The following GLIPR1L1 variants were observed in gnomAD, a reference collection of about 807,000 sequenced individuals.
The protein encoded by GLIPR1L1 is GLIPR1 like 1.
In GLIPR1L1, 26 loss-of-function variants were observed where a neutral mutation model predicts 29.9. The ratio of observed to expected loss-of-function variants is 0.87; its 90% CI spans 0.64 to 1.21. The LOEUF (loss-of-function observed/expected upper bound fraction) is 1.21, where lower values mean the gene tolerates loss of function less well. GLIPR1L1 is among the 50% of genes most tolerant of loss of function. GLIPR1L1 has a pLI of 0.00. For missense variants in GLIPR1L1, 305 were observed against 290.3 expected (o/e 1.05, Z -0.37); for synonymous variants, 77 against 97.5 (o/e 0.79, Z 1.24).
intron 3 of GLIPR1L1, among the ~76,000 whole-genome samples, chr12:75,356,924 G>C (rs1391505157): frequency 6.6e-6 from 1 of 152,078 alleles, no homozygotes. Flanking sequence ...CACAACAGCA[G>C]ACACGTAATC....
chr12:75,361,766 G>C (rs148408523), intron 3 of GLIPR1L1, among the ~76,000 whole-genome samples: 139 of 152,216 alleles, frequency 9.1e-4, no homozygotes, highest in African/African-American at 3.2e-3. Flanking sequence ...AGAACAGCAT[G>C]AGGGAAACCA....
rs2043072825 is a variant in GLIPR1L1, at chr12:75,355,193, A to C, written c.521+7471A>C. 2.0e-5 allele frequency among the ~76,000 whole-genome samples: 3 copies of C among 152,214 alleles called. No individual in the cohort carries two copies. The South Asian group carries it at 6.2e-4, about 32-fold the overall frequency. ...AAACTATCATCAGAGTAAACAAGCA[A>C]CCTACAGAGTGGGAGAAAATTTTAG... is the stretch of plus-strand genomic sequence containing the variant. On this transcript the variant is annotated intron_variant, in intron 3 of 5. Coordinates refer to ENST00000378695, the MANE Select transcript of GLIPR1L1 (RefSeq NM_001304964.2).
intron 3 of GLIPR1L1, among the ~76,000 whole-genome samples, chr12:75,362,625 G>A (rs975702947): frequency 3.5e-4 from 54 of 152,224 alleles, no homozygotes; most frequent in African/African-American, 1.2e-3. Context: ...AGAAGATAAA[G>A]AGGCTTTGAA....
intron 1 of GLIPR1L1, among the ~76,000 whole-genome samples, chr12:75,336,104 G>A (rs2041717835): frequency 6.6e-6 from 1 of 151,914 alleles, no homozygotes; most frequent in African/African-American, 2.4e-5. Flanking sequence ...GAATTATTCT[G>A]CTGAAAGTTC....
intron 1 of GLIPR1L1, among the ~76,000 whole-genome samples, chr12:75,338,559 A>G (rs1190493441): frequency 6.6e-6 from 1 of 151,964 alleles, no homozygotes; most frequent in African/African-American, 2.4e-5. Context: ...GTTTTGGGGA[A>G]ACAGGTGATG....
At position 75,343,911 on chromosome 12, in the gene GLIPR1L1, C is replaced by T. The variant is rs1364845187; in HGVS notation, c.393C>T (p.Cys131=). The change falls in exon 2 of 6, where the codon TGC becomes TGT. Residue 131 remains cysteine, a synonymous_variant. Transcript: ENST00000378695. ...TTTATGATTTTGATAGTCTATCATG[C>T]TCCAGAGTCTGTGGCCATTATACAC... ...TQFYDFDSLS[C]SRVCGHYTQL... 1.1e-5 allele frequency: 18 copies of T among 1,610,056 alleles called. No individual in the cohort carries two copies. The highest frequency in any genetic ancestry group is 1.5e-5 in the Non-Finnish European group (18 of 1,176,994).
chr12:75,341,580 G>T (rs111467925), intron 1 of GLIPR1L1, among the ~76,000 whole-genome samples: 1 of 151,802 alleles, frequency 6.6e-6, no homozygotes, highest in Admixed American at 6.6e-5. Flanking sequence ...CGGAGTAACT[G>T]AGACTACAGG....
chr12:75,335,688 C>T (rs1057182656), intron 1 of GLIPR1L1, among the ~76,000 whole-genome samples: 1 of 151,870 alleles, frequency 6.6e-6, no homozygotes, highest in Non-Finnish European at 1.5e-5. Flanking sequence ...TACTAGTCTA[C>T]TGTATAAGAA....
chr12:75,358,477 T>A (rs74108721), intron 3 of GLIPR1L1, among the ~76,000 whole-genome samples: 1 of 151,202 alleles, frequency 6.6e-6, no homozygotes, highest in Non-Finnish European at 1.5e-5. Context: ...ATTATCTCAA[T>A]AGATTCAGAA....
At chr12:75,369,659 T>C (rs2044227605) in intron 4 of GLIPR1L1, 1 of 984,564 alleles carries the variant, frequency 1.0e-6, no homozygotes, top group Non-Finnish European at 1.2e-6. Context: ...GGGACGTGAA[T>C]TGGGAATGAA....
rs368554421 is a variant in GLIPR1L1, at chr12:75,367,044, A to G, written c.611-2916A>G. Reference sequence around the variant, plus strand: ...TCTCTCATTTATCTCTAAAAATGACAGTTTAAGTTTCTCACAAAAATGCAC... The same window carrying G: ...TCTCTCATTTATCTCTAAAAATGACGGTTTAAGTTTCTCACAAAAATGCAC... On this transcript the variant is annotated intron_variant, in intron 4 of 5. Coordinates refer to ENST00000378695, the MANE Select transcript of GLIPR1L1 (RefSeq NM_001304964.2). The G allele has an allele frequency of 6.4e-5, 45 of 700,422 alleles. No individual in the cohort carries two copies. In the African/African-American group the frequency reaches 7.7e-4, roughly 12 times the overall value. 43.4% of individuals were successfully genotyped at this position (700,422 alleles called of 1,614,324 possible).
At chr12:75,337,956 T>C (rs1212683078) in intron 1 of GLIPR1L1, among the ~76,000 whole-genome samples, 2 of 152,220 alleles carry the variant, frequency 1.3e-5, no homozygotes, top group East Asian at 3.9e-4. Context: ...ATCTGCATCT[T>C]CATCAATCTA....
intron 3 of GLIPR1L1, among the ~76,000 whole-genome samples, chr12:75,354,983 G>A (rs1252529485): frequency 6.6e-6 from 1 of 152,156 alleles, no homozygotes; most frequent in Non-Finnish European, 1.5e-5. Context: ...ATTAGCTCAA[G>A]ATGGATTAAA....
intron 4 of GLIPR1L1, chr12:75,369,661 G>C (rs1300249277): frequency 1.0e-6 from 1 of 984,352 alleles, no homozygotes; most frequent in Non-Finnish European, 1.2e-6. Context: ...GACGTGAATT[G>C]GGAATGAAAG....
chr12:75,346,597 G>T (rs892587611), intron 2 of GLIPR1L1, among the ~76,000 whole-genome samples: 1 of 152,098 alleles, frequency 6.6e-6, no homozygotes, highest in African/African-American at 2.4e-5. Context: ...TGCCATGTTG[G>T]CCAGGCTGAC....
At chr12:75,367,152 T>C in intron 4 of GLIPR1L1, 3 of 624,430 alleles carry the variant, frequency 4.8e-6, no homozygotes, top group Non-Finnish European at 8.6e-6. Flanking sequence ...GGAAACCAAA[T>C]AGGGTACCCA....
chr12:75,347,548 T>C (rs1452935302), intron 2 of GLIPR1L1, 74 bp from the exon 3 acceptor site: 3 of 892,690 alleles, frequency 3.4e-6, no homozygotes, highest in Admixed American at 1.8e-5. Context: ...ACAAAGATTA[T>C]ACCAATTCTC....
chr12:75,344,755 T>C (rs948639842), intron 2 of GLIPR1L1, among the ~76,000 whole-genome samples: 2 of 152,144 alleles, frequency 1.3e-5, no homozygotes, highest in African/African-American at 2.4e-5. Flanking sequence ...AGCTGTCTTT[T>C]TGGGTACAGC....
At chr12:75,353,581 T>C (rs545973069) in intron 3 of GLIPR1L1, among the ~76,000 whole-genome samples, 22 of 152,306 alleles carry the variant, frequency 1.4e-4, no homozygotes, top group Admixed American at 9.1e-4. Flanking sequence ...GAGGAGCTGA[T>C]ACCCTTTCTT....
Sources: allele counts gnomAD v4.1 joint callset (sites outside exome capture counted in the v4.1 genomes callset), GRCh38; gene constraint gnomAD v4.1.1; transcripts MANE v1.5; gene names NCBI Gene and HGNC (gene_info 2026-07-23, HGNC 2026-07-21).